Variants in NME7 observed in about 807,000 individuals in gnomAD.
The protein encoded by NME7 is nucleoside diphosphate kinase 7.
In NME7, 41 loss-of-function variants were observed where a neutral mutation model predicts 49.1. That is an observed-to-expected ratio of 0.83 (90% CI 0.65 to 1.08). The LOEUF is 1.08. Ranked by LOEUF, NME7 falls within the 50% of genes least tolerant of loss-of-function variation. The probability of loss-of-function intolerance (pLI) is 0.00; values close to 1 mark genes in which losing one functional copy is unlikely to be tolerated. For missense variants in NME7, 423 were observed against 463.4 expected, an observed-to-expected ratio of 0.91 and a Z score of 0.80; for synonymous variants, 139 against 150.6, an observed-to-expected ratio of 0.92 and a Z score of 0.56.
intron 10 of NME7, among the ~76,000 whole-genome samples, chr1:169,220,184 T>A (rs10919098): frequency 0.043 from 6,597 of 152,282 alleles, 208 homozygotes; most frequent in East Asian, 0.12. Context: ...GGATAACTTA[T>A]AAAGCAAATG....
At chr1:169,237,711 A>T in intron 7 of NME7, 24 bp from the exon 8 acceptor site, 2 of 1,575,538 alleles carry the variant, frequency 1.3e-6, no homozygotes, top group Non-Finnish European at 1.7e-6. Context: ...ACAATGAGTG[A>T]AAAAATACAA....
At chr1:169,303,016 G>A in intron 5 of NME7, 129 bp downstream of exon 5, 1 of 538,898 alleles carries the variant, frequency 1.9e-6, no homozygotes, top group Non-Finnish European at 3.3e-6. Flanking sequence ...AGAATTCTGT[G>A]CAGTTGCAAG....
chr1:169,240,046 C>T (rs1648014340), intron 7 of NME7, among the ~76,000 whole-genome samples: 1 of 151,870 alleles, frequency 6.6e-6, no homozygotes, highest in Admixed American at 6.6e-5. Context: ...TTATCTCTAT[C>T]AATATTTATT....
At chr1:169,351,567 A>T (rs1653173258) in intron 1 of NME7, among the ~76,000 whole-genome samples, 2 of 152,026 alleles carry the variant, frequency 1.3e-5, no homozygotes, top group African/African-American at 4.8e-5. Flanking sequence ...GAGGAAAAGA[A>T]ATAATAAGAT....
rs888262860 is a variant in NME7, at chr1:169,274,783, G to A, written c.754+12520C>T. On this transcript the variant is annotated intron_variant, in intron 7 of 11. Coordinates refer to ENST00000367811, the MANE Select transcript of NME7 (RefSeq NM_013330.5). The stretch of plus-strand genomic sequence containing the variant: ...TCAAAGATCAGATAGTTGTAGATAT[G>A]TGGCATTATTTCTGAGGGCTCTGTT... 5.3e-5 allele frequency among the ~76,000 whole-genome samples: 7 copies of A among 133,276 alleles called. 2 individuals are homozygous for A. Among genetic ancestry groups the A allele is most frequent in the Admixed American group, 7.4e-5 (1 of 13,544 alleles). 87.4% of individuals were successfully genotyped at this position (133,276 alleles called of 152,430 possible). A position where few individuals can be genotyped will look rare whatever the true frequency, so the allele number is the denominator to read the frequency against.
At chr1:169,192,372 T>C (rs1660257510) in intron 10 of NME7, among the ~76,000 whole-genome samples, 1 of 152,168 alleles carries the variant, frequency 6.6e-6, no homozygotes, top group South Asian at 2.1e-4. Flanking sequence ...ACAGAACATA[T>C]ACAAACTTTT....
chr1:169,169,577 T>C lies in NME7; in HGVS notation c.991-23A>G, dbSNP rs77025785. The C allele has an allele frequency of 3.6e-3, 5,768 of 1,586,534 alleles. 93 individuals carry two copies. The African/African-American group carries it at 0.049, about 13-fold the overall frequency. On this transcript the variant is annotated intron_variant, in intron 10 of 11. Coordinates refer to ENST00000367811, the MANE Select transcript of NME7 (RefSeq NM_013330.5). ...TTCCTATTAAACATACATTCACATA[T>C]AGATTAATGTTAGTCATATGGTATA... is the stretch of plus-strand genomic sequence containing the variant.
intron 1 of NME7, among the ~76,000 whole-genome samples, chr1:169,352,872 A>G (rs906236547): frequency 6.6e-6 from 1 of 152,090 alleles, no homozygotes; most frequent in African/African-American, 2.4e-5. Context: ...TATACAATGA[A>G]AACTTTAAAA....
At chr1:169,225,517 T>C (rs1647296735) in intron 10 of NME7, among the ~76,000 whole-genome samples, 1 of 152,128 alleles carries the variant, frequency 6.6e-6, no homozygotes, top group African/African-American at 2.4e-5. Context: ...ATGGAGGACT[T>C]TGAAAGCCTT....
chr1:169,318,868 A>C (rs1367658003), intron 3 of NME7, among the ~76,000 whole-genome samples: 2 of 152,080 alleles, frequency 1.3e-5, no homozygotes, highest in Non-Finnish European at 2.9e-5. Flanking sequence ...AGCCAGAGAG[A>C]TAGAGATGGA....
intron 7 of NME7, among the ~76,000 whole-genome samples, chr1:169,252,896 G>A (rs1203651494): frequency 4.0e-5 from 6 of 148,952 alleles, no homozygotes; most frequent in African/African-American, 1.5e-4. Flanking sequence ...ATTTCTGAGG[G>A]CTCTGTTCTG....
chr1:169,291,084 T>C (rs866613581), intron 6 of NME7, among the ~76,000 whole-genome samples: 1 of 152,102 alleles, frequency 6.6e-6, no homozygotes, highest in Non-Finnish European at 1.5e-5. Context: ...AGTTCAACCT[T>C]TGTGGAAGAC....
chr1:169,291,552 G>A (rs960557460), intron 6 of NME7, among the ~76,000 whole-genome samples: 29 of 151,946 alleles, frequency 1.9e-4, no homozygotes, highest in African/African-American at 6.8e-4. Context: ...ACCTAATGTA[G>A]ATGATGGGGT....
intron 1 of NME7, among the ~76,000 whole-genome samples, chr1:169,362,237 C>A (rs1653688576): frequency 6.6e-6 from 1 of 152,160 alleles, no homozygotes; most frequent in African/African-American, 2.4e-5. Context: ...AACAAACAAA[C>A]AACTTTGAGA....
chr1:169,294,069 G>GCAC (rs1269597651), intron 6 of NME7, among the ~76,000 whole-genome samples: 1 of 151,984 alleles, frequency 6.6e-6, no homozygotes, highest in Non-Finnish European at 1.5e-5. Flanking sequence ...GGTTTGGGAA[G>GCAC]CACCATGCAA....
chr1:169,347,118 C>A (rs1004842573), intron 1 of NME7, among the ~76,000 whole-genome samples: 4 of 152,126 alleles, frequency 2.6e-5, no homozygotes, highest in African/African-American at 4.8e-5. Flanking sequence ...GGCTGAGGCA[C>A]GAAGATCACT....
At chr1:169,329,631 T>C (rs1410347948) in intron 1 of NME7, among the ~76,000 whole-genome samples, 1 of 151,746 alleles carries the variant, frequency 6.6e-6, no homozygotes, top group Non-Finnish European at 1.5e-5. Flanking sequence ...GACAGGTTAT[T>C]TGAAAATACA....
intron 7 of NME7, among the ~76,000 whole-genome samples, chr1:169,248,569 A>G (rs1189680250): frequency 6.6e-6 from 1 of 152,078 alleles, no homozygotes; most frequent in African/African-American, 2.4e-5. Flanking sequence ...AATGTCCAGA[A>G]TAGTTTTTCC....
At chr1:169,352,562 A>T (rs1653217174) in intron 1 of NME7, among the ~76,000 whole-genome samples, 1 of 152,064 alleles carries the variant, frequency 6.6e-6, no homozygotes, top group African/African-American at 2.4e-5. Context: ...TCAACATAGG[A>T]GGTCCTAGCT....
Sources: allele counts gnomAD v4.1 joint callset (sites outside exome capture counted in the v4.1 genomes callset), GRCh38; gene constraint gnomAD v4.1.1; transcripts MANE v1.5; gene names NCBI Gene and HGNC (gene_info 2026-07-23, HGNC 2026-07-21).